CD81: variants seen among roughly 807,000 people sequenced by gnomAD.
CD81 encodes CD81 antigen.
CD81 carries 10 observed loss-of-function variants against 30.1 expected under a neutral mutation model. The ratio of observed to expected loss-of-function variants is 0.33; its 90% confidence interval spans 0.21 to 0.56. CD81 has a LOEUF of 0.56. Ranked by LOEUF, CD81 falls within the 20% of genes least tolerant of loss-of-function variation. CD81 has a pLI of 0.89. For synonymous variants in CD81, 147 were observed against 126.4 expected (o/e 1.16, Z -1.10); for missense variants, 263 against 308.7 (o/e 0.85, Z 1.11).
intron 3 of CD81, 144 bp downstream of exon 3, chr11:2,394,336 G>A: frequency 1.6e-6 from 1 of 618,922 alleles, no homozygotes; most frequent in African/African-American, 1.8e-5. Context: ...TTCCCGTTTG[G>A]TTTTTAAATT....
Position 2,377,669 on chromosome 11 carries a change from TG to T in CD81, c.66+57del. 8.1e-7 allele frequency: 1 copy of T among 1,241,992 alleles called. No homozygotes were observed. The highest frequency in any genetic ancestry group is 1.1e-6 in the Non-Finnish European group (1 of 899,828). 76.9% of individuals were successfully genotyped at this position (1,241,992 alleles called of 1,614,324 possible). ...GAGGGGGCAGGCACACACTCCACGT[TG>T]GGCAGGTCCCGCGGCAGCGTGCTAG... is the stretch of plus-strand genomic sequence containing the variant. On this transcript the variant is annotated intron_variant, in intron 1 of 7. Coordinates refer to ENST00000263645, the MANE Select transcript of CD81 (RefSeq NM_004356.4). The surrounding 1 kb of genome is among the most constrained non-coding windows in gnomAD (Gnocchi z 7.7).
At chr11:2,379,994 T>C (rs542722445) in intron 1 of CD81, among the ~76,000 whole-genome samples, 35 of 152,280 alleles carry the variant, frequency 2.3e-4, no homozygotes, top group Admixed American at 2.0e-3. Context: ...GCTCTGGTCC[T>C]GGGCCTCGGC....
intron 4 of CD81, 158 bp from the exon 5 acceptor site, chr11:2,395,258 G>A (rs1364665974): frequency 5.4e-6 from 4 of 740,554 alleles, no homozygotes; most frequent in Non-Finnish European, 9.6e-6. Flanking sequence ...GCACTCCCGG[G>A]GCAGCTGAGA....
intron 1 of CD81, among the ~76,000 whole-genome samples, chr11:2,379,759 C>A (rs1390654938): frequency 1.3e-5 from 2 of 152,068 alleles, no homozygotes; most frequent in Non-Finnish European, 2.9e-5. Flanking sequence ...GCTCCTCTCC[C>A]CAGGGCCTGC....
Position 2,377,619 on chromosome 11 carries a change from A to T in CD81, c.66+4A>T. 1 of 1,529,022 alleles carries T rather than the reference A, an allele frequency of 6.5e-7. No individual in the cohort carries two copies. Among genetic ancestry groups the T allele is most frequent in the Non-Finnish European group, 8.8e-7 (1 of 1,131,622 alleles). 94.7% of individuals were successfully genotyped at this position (1,529,022 alleles called of 1,614,324 possible). A position where few individuals can be genotyped will look rare whatever the true frequency, so the allele number is the denominator to read the frequency against. On this transcript the variant is annotated splice_donor_region_variant and intron_variant, in intron 1 of 7. Transcript: ENST00000263645. The surrounding 1 kb of genome is among the most constrained non-coding windows in gnomAD (Gnocchi z 7.7). The stretch of plus-strand genomic sequence containing the variant: ...CGTCTTCAATTTCGTCTTCTGGGTA[A>T]GGGCTGCGCCGGGGGCCGGGGCGGG...
In CD81 at chr11:2,397,105, G is replaced by C; in HGVS notation, c.*239G>C. 1.8e-6 allele frequency: 1 copy of C among 565,902 alleles called. No homozygotes were observed. Among genetic ancestry groups the C allele is most frequent in the East Asian group, 3.0e-5 (1 of 33,522 alleles). The allele number at this position is 565,902 out of a possible 1,614,324, so 35.1% of individuals were successfully genotyped here. A position where few individuals can be genotyped will look rare whatever the true frequency, so the allele number is the denominator to read the frequency against. ...GGGCCTGGGTCTTGGGGACTGGAGG[G>C]CAGGGGTCCTTCTGCCCTGGGGTCC... On this transcript the variant is annotated 3_prime_UTR_variant, in exon 8 of 8. Coordinates refer to ENST00000263645, the MANE Select transcript of CD81 (RefSeq NM_004356.4).
rs1265565253 is a variant in CD81, at chr11:2,377,535, G to C, written c.-15G>C. ...CCGGCCCGCGCCCCGCAGGCCGCCC[G>C]CCGCCCGCGCCGCCATGGGAGTGGA... On this transcript the variant is annotated 5_prime_UTR_variant, in exon 1 of 8. Coordinates refer to ENST00000263645, the MANE Select transcript of CD81 (RefSeq NM_004356.4). This position sits in a 1 kb window ranked among gnomAD's most constrained non-coding sequence, Gnocchi z 7.7. 2.2e-6 allele frequency: 3 copies of C among 1,366,956 alleles called. No individual in the cohort carries two copies. Among genetic ancestry groups the C allele is most frequent in the Non-Finnish European group, 2.9e-6 (3 of 1,038,428 alleles). 84.7% of individuals were successfully genotyped at this position (1,366,956 alleles called of 1,614,324 possible). A position where few individuals can be genotyped will look rare whatever the true frequency, so the allele number is the denominator to read the frequency against.
rs535576649 is a variant in CD81, at chr11:2,389,205, C to A, written c.67-1207C>A. ...AGGTCTGAAGGGGACCCAGCCCCCACCCTGTCTAGCAGGGAGGAGCCTCTG... is the reference window on the plus strand; with the variant it reads ...AGGTCTGAAGGGGACCCAGCCCCCAACCTGTCTAGCAGGGAGGAGCCTCTG... On this transcript the variant is annotated intron_variant, in intron 1 of 7. Coordinates refer to ENST00000263645, the MANE Select transcript of CD81 (RefSeq NM_004356.4). Among the ~76,000 whole-genome samples the A allele has an allele frequency of 6.3e-4, 96 of 152,266 alleles. 1 individual carries two copies. Among genetic ancestry groups the A allele is most frequent in the Middle Eastern group, 6.8e-3 (2 of 294 alleles).
At chr11:2,385,922 G>A (rs774657023) in intron 1 of CD81, 195 of 665,424 alleles carry the variant, frequency 2.9e-4, no homozygotes, top group Admixed American at 6.1e-4. Context: ...ATACCTGTGC[G>A]TGGAGCAGCT....
chr11:2,393,589 C>T (rs1011064744), intron 2 of CD81: 32 of 438,106 alleles, frequency 7.3e-5, no homozygotes, highest in Middle Eastern at 6.0e-4. Flanking sequence ...ACCCTCTTCT[C>T]GCACCACACT....
chr11:2,393,668 C>G (rs1849943009), intron 2 of CD81: 1 of 570,334 alleles, frequency 1.8e-6, no homozygotes, highest in Non-Finnish European at 3.1e-6. Flanking sequence ...CAGTGGGGCC[C>G]ACCCTGTGCC....
chr11:2,394,078 G>C lies in CD81; in HGVS notation c.182-17G>C. 1 of 1,601,548 alleles carries C rather than the reference G, an allele frequency of 6.2e-7. No homozygotes were observed. The highest frequency in any genetic ancestry group is 1.1e-5 in the South Asian group (1 of 90,874). On this transcript the variant is annotated splice_polypyrimidine_tract_variant and intron_variant, in intron 2 of 7. Transcript: ENST00000263645. ...GCGAGTGTGTAGGCACCCACCTGGT[G>C]TCTCTCTCCCCGCAAGGCATCTACA...
chr11:2,392,122 C>G (rs773529479), intron 2 of CD81: 3 of 152,298 alleles, frequency 2.0e-5, no homozygotes, highest in Non-Finnish European at 2.9e-5. Context: ...GTCCCCTTCT[C>G]CAGGACCTGG....
rs1589842974 is a variant in CD81, at chr11:2,377,454, A to C, written c.-96A>C. ...TCGCGCCCCCGCCCCTCGGCCCGCC[A>C]GGCCCCCTTGCCGGCCACCCGCCAG... On this transcript the variant is annotated 5_prime_UTR_variant, in exon 1 of 8. Transcript: ENST00000263645. The surrounding 1 kb of genome is among the most constrained non-coding windows in gnomAD (Gnocchi z 7.7). 1 of 211,894 alleles carries C rather than the reference A, an allele frequency of 4.7e-6. No individual in the cohort carries two copies. Among genetic ancestry groups the C allele is most frequent in the Non-Finnish European group, 6.6e-6 (1 of 150,636 alleles). The allele number at this position is 211,894 out of a possible 1,614,324, so 13.1% of individuals were successfully genotyped here.
chr11:2,394,222 GC>G, intron 3 of CD81, 30 bp downstream of exon 3: 2 of 1,486,918 alleles, frequency 1.3e-6, no homozygotes, highest in African/African-American at 1.4e-5. Flanking sequence ...CTGTGCCTGG[GC>G]CGGGGAGGGG....
At position 2,390,537 on chromosome 11, in the gene CD81, A is replaced by C; in HGVS notation, c.181+11A>C. 1 of 1,583,864 alleles carries C rather than the reference A, an allele frequency of 6.3e-7. No individual in the cohort carries two copies. Among genetic ancestry groups the C allele is most frequent in the South Asian group, 1.1e-5 (1 of 90,508 alleles). On this transcript the variant is annotated intron_variant, in intron 2 of 7. Coordinates refer to ENST00000263645, the MANE Select transcript of CD81 (RefSeq NM_004356.4). Reference sequence around the variant, plus strand: ...ACACCTTCTATGTAGGTGAGTGCACATGTGGCCGCAGACGCATTCAGGGAG... The same window carrying C: ...ACACCTTCTATGTAGGTGAGTGCACCTGTGGCCGCAGACGCATTCAGGGAG...
At chr11:2,390,564 G>A in intron 2 of CD81, 38 bp downstream of exon 2, 3 of 1,434,230 alleles carry the variant, frequency 2.1e-6, no homozygotes, top group Non-Finnish European at 2.9e-6. Flanking sequence ...TTCAGGGAGG[G>A]CTTCTAGGAG....
intron 4 of CD81, 166 bp downstream of exon 4, chr11:2,395,212 T>C (rs573923691): frequency 1.7e-4 from 126 of 736,114 alleles, no homozygotes; most frequent in Middle Eastern, 1.1e-3. Context: ...GGAGGCAGCA[T>C]TGGGGCTGAG....
intron 1 of CD81, among the ~76,000 whole-genome samples, chr11:2,389,421 T>C (rs1849856136): frequency 1.3e-5 from 2 of 151,984 alleles, no homozygotes; most frequent in Admixed American, 6.5e-5. Flanking sequence ...AGAGGGGGCC[T>C]TGGTGTGTGC....
Sources: gnomAD v4.1 joint callset for allele counts (sites outside exome capture counted in the v4.1 genomes callset) on GRCh38, gnomAD v4.1.1 for gene constraint, Gnocchi (gnomAD v3.1) non-coding constraint, MANE v1.5 for transcripts, NCBI Gene and HGNC (gene_info 2026-07-23, HGNC 2026-07-21) for gene names.